The following RIC3 variants were observed in gnomAD, a reference collection of about 807,000 sequenced individuals.
The protein encoded by RIC3 is RIC3 acetylcholine receptor chaperone, also known as protein RIC-3.
A neutral mutation model predicts 27.3 loss-of-function variants in RIC3; 28 were observed. That is an observed-to-expected ratio of 1.02 (90% CI 0.76 to 1.41). RIC3 has a LOEUF of 1.41. Ranked by LOEUF, RIC3 falls within the 40% of genes most tolerant of loss-of-function variation. RIC3 has a pLI of 0.00. For synonymous variants in RIC3, 184 were observed against 160.4 expected, an observed-to-expected ratio of 1.15 and a Z score of -1.11; for missense variants, 501 against 444.7, an observed-to-expected ratio of 1.13 and a Z score of -1.14.
At chr11:8,137,769 A>T (rs1189843032) in intron 3 of RIC3, among the ~76,000 whole-genome samples, 1 of 142,812 alleles carries the variant, frequency 7.0e-6, no homozygotes, top group Non-Finnish European at 1.6e-5. Flanking sequence ...TGCGGGTGGT[A>T]AATTTTTCAT....
chr11:8,133,373 A>C (rs1947968521), intron 4 of RIC3, among the ~76,000 whole-genome samples: 2 of 152,232 alleles, frequency 1.3e-5, no homozygotes, highest in Non-Finnish European at 2.9e-5. Flanking sequence ...TAGCCCTTAC[A>C]GTCTTTAGGG....
At chr11:8,117,728 G>A (rs954677280) in intron 5 of RIC3, among the ~76,000 whole-genome samples, 1 of 152,080 alleles carries the variant, frequency 6.6e-6, no homozygotes, top group African/African-American at 2.4e-5. Context: ...AGTATGTGAG[G>A]TAATGTGTAT....
intron 4 of RIC3, among the ~76,000 whole-genome samples, chr11:8,131,204 C>T (rs1446358505): frequency 6.6e-6 from 1 of 152,138 alleles, no homozygotes; most frequent in East Asian, 1.9e-4. Context: ...AGCTCTACAG[C>T]TAAGAAGGAT....
At chr11:8,095,118 T>C in the RIC3 span, among the ~76,000 whole-genome samples, 1 of 152,254 alleles carries the variant, frequency 6.6e-6, no homozygotes, top group Non-Finnish European at 1.5e-5. Flanking sequence ...CCAGCATTGA[T>C]GGCTTGTAGC....
intron 5 of RIC3, among the ~76,000 whole-genome samples, chr11:8,117,077 T>G (rs1228296285): frequency 6.6e-6 from 1 of 152,168 alleles, no homozygotes; most frequent in Non-Finnish European, 1.5e-5. Flanking sequence ...TTAGCATTTT[T>G]TTGTTTTTGG....
At chr11:8,150,125 C>G (rs1433062845) in intron 1 of RIC3, among the ~76,000 whole-genome samples, 1 of 152,152 alleles carries the variant, frequency 6.6e-6, no homozygotes, top group Non-Finnish European at 1.5e-5. Context: ...GTATATACGG[C>G]CACCCTGCTC....
At chr11:8,157,138 G>A (rs1211766720) in intron 1 of RIC3, among the ~76,000 whole-genome samples, 9 of 152,026 alleles carry the variant, frequency 5.9e-5, no homozygotes, top group Non-Finnish European at 8.8e-5. Context: ...TGATCATGAC[G>A]GATCAAGACA....
rs138712757 is a variant in RIC3, at chr11:8,150,122, C to T, written c.125-9929G>A. ...CTACAGCTTATTGAATATGTATATACGGCCACCCTGCTCAGCATGAATTCC... is the reference window on the plus strand; with the variant it reads ...CTACAGCTTATTGAATATGTATATATGGCCACCCTGCTCAGCATGAATTCC... On this transcript the variant is annotated intron_variant, in intron 1 of 5. Coordinates refer to ENST00000309737, the MANE Select transcript of RIC3 (RefSeq NM_001206671.4). 2.3e-3 allele frequency among the ~76,000 whole-genome samples: 344 copies of T among 152,194 alleles called. 2 individuals are homozygous for T. The highest frequency in any genetic ancestry group is 3.5e-3 in the Admixed American group (53 of 15,288).
At chr11:8,093,496 C>T in the RIC3 span, among the ~76,000 whole-genome samples, 1 of 152,132 alleles carries the variant, frequency 6.6e-6, no homozygotes, top group East Asian at 1.9e-4. Context: ...TGGAGGCCAC[C>T]AGCTGGGACC....
intron 5 of RIC3, among the ~76,000 whole-genome samples, chr11:8,122,232 A>ACACTCACTCTTCCCTACTCCTATTCC (rs1303853355): frequency 2.6e-5 from 4 of 152,114 alleles, no homozygotes; most frequent in African/African-American, 4.8e-5. Context: ...CTTTCATGGC[A>ACACTCACTCTTCCCTACTCCTATTCC]CACTCACTCT....
intron 5 of RIC3, among the ~76,000 whole-genome samples, chr11:8,120,174 G>A (rs1210957175): frequency 6.6e-6 from 1 of 152,196 alleles, no homozygotes; most frequent in Non-Finnish European, 1.5e-5. Context: ...ATTTGACCTG[G>A]CAATCCCATT....
downstream of RIC3, chr11:8,101,467 T>C: frequency 6.2e-7 from 1 of 1,614,098 alleles, no homozygotes; most frequent in Non-Finnish European, 8.5e-7. Context: ...TCTCTGTCTG[T>C]GCCTGTGCTT....
intron 5 of RIC3, among the ~76,000 whole-genome samples, chr11:8,122,338 T>A (rs7941531): frequency 3.9e-4 from 60 of 151,928 alleles, no homozygotes; most frequent in Admixed American, 1.2e-3. Flanking sequence ...AATCATATAG[T>A]ATGTAACCTT....
chr11:8,162,033 G>C (rs1951216052), intron 1 of RIC3, among the ~76,000 whole-genome samples: 1 of 143,634 alleles, frequency 7.0e-6, no homozygotes, highest in South Asian at 2.4e-4. Context: ...TGCTATAAAT[G>C]AGACACTCAC....
intron 1 of RIC3, among the ~76,000 whole-genome samples, chr11:8,161,843 TCC>T (rs1000387481): frequency 6.6e-6 from 1 of 151,894 alleles, no homozygotes; most frequent in Non-Finnish European, 1.5e-5. Flanking sequence ...AATGAGACAC[TCC>T]CACTTTCTCC....
chr11:8,144,699 T>A (rs1949479725), intron 1 of RIC3, among the ~76,000 whole-genome samples: 1 of 152,082 alleles, frequency 6.6e-6, no homozygotes, highest in South Asian at 2.1e-4. Flanking sequence ...CAAAGGACTA[T>A]AAATTATGCT....
At chr11:8,139,817 C>A in intron 2 of RIC3, 150 bp downstream of exon 2, 1 of 695,380 alleles carries the variant, frequency 1.4e-6, no homozygotes, top group South Asian at 2.0e-5. Context: ...AATGGCTATC[C>A]TAAGTACCTC....
intron 2 of RIC3, chr11:8,138,788 T>C (rs911303110): frequency 8.3e-6 from 2 of 239,802 alleles, no homozygotes; most frequent in South Asian, 1.1e-4. Flanking sequence ...CTCTTCCTTA[T>C]ATGAAGGTGT....
chr11:8,161,354 T>C (rs1441854065), intron 1 of RIC3, among the ~76,000 whole-genome samples: 1 of 152,232 alleles, frequency 6.6e-6, no homozygotes, highest in East Asian at 1.9e-4. Context: ...ACCTTTAATC[T>C]ACTTTTCCTC....
Sources: allele counts gnomAD v4.1 joint callset (sites outside exome capture counted in the v4.1 genomes callset), GRCh38; gene constraint gnomAD v4.1.1; transcripts MANE v1.5; gene names NCBI Gene and HGNC (gene_info 2026-07-23, HGNC 2026-07-21).